Variants in ACADL observed in about 807,000 individuals in gnomAD.
ACADL encodes long-chain specific acyl-CoA dehydrogenase, mitochondrial.
ACADL carries 60 observed loss-of-function variants against 56.9 expected under a neutral mutation model. That is an observed-to-expected ratio of 1.05 (90% confidence interval 0.86 to 1.31). The LOEUF is 1.31. Among genes scored for constraint, ACADL ranks in the 50% most tolerant of loss-of-function variants. The pLI is 0.00. For synonymous variants in ACADL, 158 were observed against 179.7 expected, an observed-to-expected ratio of 0.88 and a Z score of 0.97; for missense variants, 484 against 525.5, an observed-to-expected ratio of 0.92 and a Z score of 0.77.
intron 7 of ACADL, 106 bp downstream of exon 7, chr2:210,204,475 T>A (rs1688850830): frequency 5.9e-6 from 5 of 853,238 alleles, no homozygotes; most frequent in Non-Finnish European, 9.6e-6. Context: ...TTCACAAGTT[T>A]TGCATGTATA....
At chr2:210,197,309 T>C (rs1688726394) in intron 8 of ACADL, among the ~76,000 whole-genome samples, 2 of 152,162 alleles carry the variant, frequency 1.3e-5, no homozygotes, top group South Asian at 2.1e-4. Flanking sequence ...TTCTGGCCTC[T>C]AGTTCTGAAC....
At chr2:210,201,978 T>C (rs749888394) in intron 8 of ACADL, among the ~76,000 whole-genome samples, 2 of 152,172 alleles carry the variant, frequency 1.3e-5, no homozygotes, top group Admixed American at 6.5e-5. Context: ...GAAAGTAGTT[T>C]AGTTTCTCAT....
Position 210,225,332 on chromosome 2 carries a change from C to T in ACADL, c.-69G>A. On this transcript the variant is annotated 5_prime_UTR_variant, in exon 1 of 11. Coordinates refer to ENST00000233710, the MANE Select transcript of ACADL (RefSeq NM_001608.4). ...GCTACTCGGCGACTCGGGGCAGGGT[C>T]CCCGGGAGGGAGGACGATCAGCTGA... 6.7e-7 allele frequency: 1 copy of T among 1,484,310 alleles called. No homozygotes were observed. Among genetic ancestry groups the T allele is most frequent in the Non-Finnish European group, 9.1e-7 (1 of 1,104,820 alleles). The allele number at this position is 1,484,310 out of a possible 1,614,324, so 91.9% of individuals were successfully genotyped here. A position where few individuals can be genotyped will look rare whatever the true frequency, so the allele number is the denominator to read the frequency against.
At chr2:210,225,090 G>A in intron 1 of ACADL, 97 bp downstream of exon 1, 2 of 1,515,894 alleles carry the variant, frequency 1.3e-6, no homozygotes, top group African/African-American at 1.4e-5. Context: ...CCAGCCGCGC[G>A]CGCACCGCCC....
intron 8 of ACADL, among the ~76,000 whole-genome samples, chr2:210,202,504 C>T (rs1251377123): frequency 5.3e-5 from 8 of 152,080 alleles, no homozygotes; most frequent in Non-Finnish European, 8.8e-5. Context: ...TCTTCCTGTG[C>T]AAATGAAGGA....
At chr2:210,189,946 A>G (rs1012623014) in intron 10 of ACADL, among the ~76,000 whole-genome samples, 3 of 152,100 alleles carry the variant, frequency 2.0e-5, no homozygotes, top group Non-Finnish European at 4.4e-5. Flanking sequence ...TCTTTTTTGT[A>G]TATTGCAACA....
intron 8 of ACADL, among the ~76,000 whole-genome samples, chr2:210,202,640 A>T (rs1688811993): frequency 6.6e-6 from 1 of 151,988 alleles, no homozygotes; most frequent in African/African-American, 2.4e-5. Flanking sequence ...TCTTTATTAA[A>T]TCCTTTCTTT....
intron 5 of ACADL, among the ~76,000 whole-genome samples, chr2:210,207,645 C>A (rs1419180344): frequency 1.3e-5 from 2 of 152,130 alleles, no homozygotes; most frequent in African/African-American, 4.8e-5. Context: ...CTGTTTTTAT[C>A]TCTCTCTCTT....
At chr2:210,225,138 C>T (rs1016618736) in intron 1 of ACADL, 49 bp downstream of exon 1, 55 of 1,527,646 alleles carry the variant, frequency 3.6e-5, no homozygotes, top group Non-Finnish European at 4.0e-5. Context: ...CGCTGCCCCA[C>T]CCCACAGCCT....
chr2:210,206,833 G>C (rs1192426352), intron 5 of ACADL, among the ~76,000 whole-genome samples: 1 of 152,000 alleles, frequency 6.6e-6, no homozygotes, highest in Non-Finnish European at 1.5e-5. Context: ...ACCCAGGCTG[G>C]AGTGCAGTGG....
At chr2:210,221,157 A>G (rs1313151901) in intron 1 of ACADL, among the ~76,000 whole-genome samples, 1 of 152,204 alleles carries the variant, frequency 6.6e-6, no homozygotes, top group Non-Finnish European at 1.5e-5. Flanking sequence ...ACGGTAGAGT[A>G]ATACTGATAA....
chr2:210,198,306 A>G (rs1268432619), intron 8 of ACADL, among the ~76,000 whole-genome samples: 2 of 152,152 alleles, frequency 1.3e-5, no homozygotes, highest in Non-Finnish European at 2.9e-5. Flanking sequence ...CTCACATATT[A>G]TGGTTAAAAT....
intron 1 of ACADL, 84 bp from the exon 2 acceptor site, chr2:210,220,886 T>G: frequency 1.8e-6 from 2 of 1,132,862 alleles, no homozygotes; most frequent in Non-Finnish European, 2.5e-6. Context: ...CAACATGGAT[T>G]TCTTTCACAG....
Position 210,200,854 on chromosome 2 carries a change from T to C in ACADL, c.984+2477A>G, listed in dbSNP as rs1421276390. 2.0e-5 allele frequency among the ~76,000 whole-genome samples: 3 copies of C among 152,210 alleles called. No individual in the cohort carries two copies. The East Asian group carries it at 5.8e-4, about 29-fold the overall frequency. On this transcript the variant is annotated intron_variant, in intron 8 of 10. Transcript: ENST00000233710. Reference sequence around the variant, plus strand: ...TGAAACAAAATGGAGCAAGGCATTATGTAAGGAATAAAATAAGGATAACAG... The same window carrying C: ...TGAAACAAAATGGAGCAAGGCATTACGTAAGGAATAAAATAAGGATAACAG...
chr2:210,208,952 C>G (rs888428906), intron 5 of ACADL, among the ~76,000 whole-genome samples: 1 of 152,286 alleles, frequency 6.6e-6, no homozygotes, highest in East Asian at 1.9e-4. Context: ...GCTGAGCAGA[C>G]GAGGTCTGCT....
chr2:210,194,368 A>G (rs1413621870), intron 9 of ACADL, among the ~76,000 whole-genome samples: 1 of 152,192 alleles, frequency 6.6e-6, no homozygotes, highest in Non-Finnish European at 1.5e-5. Context: ...ACACAAGTTA[A>G]TGAATAATGA....
intron 8 of ACADL, among the ~76,000 whole-genome samples, chr2:210,199,064 T>C (rs1402511074): frequency 6.6e-6 from 1 of 152,066 alleles, no homozygotes; most frequent in Non-Finnish European, 1.5e-5. Flanking sequence ...GTTATATAGT[T>C]ATAAAATGAC....
intron 8 of ACADL, among the ~76,000 whole-genome samples, chr2:210,195,650 A>T (rs576670932): frequency 6.6e-6 from 1 of 152,310 alleles, no homozygotes; most frequent in South Asian, 2.1e-4. Context: ...TTAATGTGTG[A>T]GCACCATCTT....
rs541769171 is a variant in ACADL, at chr2:210,221,918, C to T, written c.78-1116G>A. Among the ~76,000 whole-genome samples, 6 of 151,966 alleles carry T rather than the reference C, an allele frequency of 3.9e-5. No homozygotes were observed. The East Asian group carries it at 7.7e-4, about 20-fold the overall frequency. ...CTAAGTTTTGTATTTTTAGTAGAGA[C>T]GGGGTTTCACCATGTTGACCAGGTT... On this transcript the variant is annotated intron_variant, in intron 1 of 10. Coordinates refer to ENST00000233710, the MANE Select transcript of ACADL (RefSeq NM_001608.4).
Sources: allele counts gnomAD v4.1 joint callset (sites outside exome capture counted in the v4.1 genomes callset), GRCh38; gene constraint gnomAD v4.1.1; transcripts MANE v1.5; gene names NCBI Gene and HGNC (gene_info 2026-07-23, HGNC 2026-07-21).